The following CHSY3 variants were observed in gnomAD, a reference collection of about 807,000 sequenced individuals.
The protein encoded by CHSY3 is chondroitin sulfate synthase 3, also known as N-acetylgalactosaminyl-proteoglycan 3-beta-glucuronosyltransferase 3.
CHSY3 carries 35 observed loss-of-function variants against 67.2 expected under a neutral mutation model. The observed-to-expected ratio is 0.52, with a 90% CI of 0.40 to 0.69. The LOEUF (loss-of-function observed/expected upper bound fraction) is 0.69, where lower values mean the gene tolerates loss of function less well. Ranked by LOEUF, CHSY3 falls within the 30% of genes least tolerant of loss-of-function variation. The probability of loss-of-function intolerance (pLI) is 0.00; values close to 1 mark genes in which losing one functional copy is unlikely to be tolerated. For missense variants in CHSY3, 1,069 were observed against 1,138.5 expected (o/e 0.94, Z 0.88); for synonymous variants, 474 against 434.7 (o/e 1.09, Z -1.12).
intron 2 of CHSY3, among the ~76,000 whole-genome samples, chr5:130,136,209 T>TA (rs1768656353): frequency 6.6e-6 from 1 of 152,176 alleles, no homozygotes. Context: ...GGGAAGATAT[T>TA]AAGCCAGCTA....
At chr5:130,160,679 C>T (rs1769504802) in intron 2 of CHSY3, among the ~76,000 whole-genome samples, 1 of 152,066 alleles carries the variant, frequency 6.6e-6, no homozygotes, top group African/African-American at 2.4e-5. Context: ...CCAGAAGGGA[C>T]CTATGCTGCT....
chr5:130,169,175 C>T (rs952453732), intron 2 of CHSY3, among the ~76,000 whole-genome samples: 10 of 152,054 alleles, frequency 6.6e-5, no homozygotes, highest in African/African-American at 1.2e-4. Context: ...ACTGTATACA[C>T]GGCAGTGAAC....
At chr5:130,082,864 A>G (rs1403437211) in intron 2 of CHSY3, among the ~76,000 whole-genome samples, 5 of 151,784 alleles carry the variant, frequency 3.3e-5, no homozygotes, top group African/African-American at 1.2e-4. Flanking sequence ...ATATGTGTGT[A>G]TATACATATA....
At chr5:129,946,558 T>G (rs1761860436) in intron 2 of CHSY3, among the ~76,000 whole-genome samples, 2 of 152,140 alleles carry the variant, frequency 1.3e-5, no homozygotes. Flanking sequence ...TCTCCAAAAT[T>G]TATTTATAAC....
At chr5:130,070,216 C>T (rs1212756289) in intron 2 of CHSY3, among the ~76,000 whole-genome samples, 2 of 152,034 alleles carry the variant, frequency 1.3e-5, no homozygotes, top group Admixed American at 6.6e-5. Context: ...TACTTCTCTT[C>T]ATGAAAATTC....
intron 2 of CHSY3, among the ~76,000 whole-genome samples, chr5:130,128,789 C>G (rs1187272756): frequency 6.6e-6 from 1 of 152,034 alleles, no homozygotes; most frequent in African/African-American, 2.4e-5. Context: ...TTCCCAAACT[C>G]ATGGAATTGT....
chr5:129,905,860 C>G, intron 1 of CHSY3: 1 of 932,140 alleles, frequency 1.1e-6, no homozygotes, highest in Non-Finnish European at 1.5e-6. Context: ...CTTTATTCGC[C>G]TTCCTCACTT....
intron 2 of CHSY3, among the ~76,000 whole-genome samples, chr5:129,925,331 G>A (rs1433988908): frequency 6.6e-6 from 1 of 152,184 alleles, no homozygotes; most frequent in African/African-American, 2.4e-5. Context: ...AGAGGCAGGA[G>A]CCAGATGATG....
At chr5:130,154,961 T>C (rs1383414233) in intron 2 of CHSY3, among the ~76,000 whole-genome samples, 3 of 152,186 alleles carry the variant, frequency 2.0e-5, no homozygotes, top group Non-Finnish European at 4.4e-5. Context: ...GGGTGGGGCC[T>C]GAGAGTCTTC....
chr5:130,180,946 G>A (rs774760772), intron 2 of CHSY3, among the ~76,000 whole-genome samples: 4 of 152,194 alleles, frequency 2.6e-5, no homozygotes, highest in Non-Finnish European at 5.9e-5. Flanking sequence ...TTCTAAGAAA[G>A]GTAATGAAAG....
intron 2 of CHSY3, among the ~76,000 whole-genome samples, chr5:130,098,047 C>T (rs1296274980): frequency 2.6e-5 from 4 of 151,810 alleles, no homozygotes; most frequent in Admixed American, 1.3e-4. Context: ...GGGAAGATGC[C>T]GTGTATCCAT....
chr5:130,009,304 G>A (rs1431060923), intron 2 of CHSY3, among the ~76,000 whole-genome samples: 3 of 152,272 alleles, frequency 2.0e-5, no homozygotes, highest in South Asian at 2.1e-4. Flanking sequence ...GAGATTGGGA[G>A]CCTATATTCA....
chr5:129,913,534 G>T (rs976825486), intron 2 of CHSY3, among the ~76,000 whole-genome samples: 9 of 152,008 alleles, frequency 5.9e-5, no homozygotes, highest in Non-Finnish European at 1.2e-4. Context: ...TGTTCATTTT[G>T]TGTATTAGCA....
At chr5:129,970,514 G>A (rs542497117) in intron 2 of CHSY3, among the ~76,000 whole-genome samples, 2 of 151,832 alleles carry the variant, frequency 1.3e-5, no homozygotes, top group South Asian at 4.2e-4. Context: ...GGGCTAGCAT[G>A]GAATAATGCT....
intron 2 of CHSY3, among the ~76,000 whole-genome samples, chr5:130,050,360 G>GC (rs1765299973): frequency 6.6e-6 from 1 of 152,056 alleles, no homozygotes; most frequent in African/African-American, 2.4e-5. Context: ...ATATGTTATT[G>GC]ATAAAGGGGT....
chr5:129,932,219 G>T (rs1409762688), intron 2 of CHSY3, among the ~76,000 whole-genome samples: 5 of 149,916 alleles, frequency 3.3e-5, no homozygotes, highest in Non-Finnish European at 1.5e-5. Flanking sequence ...TGCCATGGGG[G>T]CTGGCAAGTT....
chr5:130,138,820 C>CT (rs571810827), intron 2 of CHSY3, among the ~76,000 whole-genome samples: 212 of 152,194 alleles, frequency 1.4e-3, no homozygotes, highest in Non-Finnish European at 2.5e-3. Flanking sequence ...ACCCAAATCC[C>CT]TTTTGTTAAA....
intron 2 of CHSY3, among the ~76,000 whole-genome samples, chr5:130,012,714 TGA>T (rs1764103078): frequency 1.3e-5 from 2 of 152,192 alleles, no homozygotes; most frequent in South Asian, 4.1e-4. Context: ...ATTCCTCGTG[TGA>T]CACAGGAGGA....
intron 2 of CHSY3, among the ~76,000 whole-genome samples, chr5:130,159,302 C>A (rs1769460810): frequency 6.6e-6 from 1 of 151,482 alleles, no homozygotes; most frequent in Non-Finnish European, 1.5e-5. Context: ...CTAGCCAGGA[C>A]TACAGGCGTG....
Sources: allele counts gnomAD v4.1 joint callset (sites outside exome capture counted in the v4.1 genomes callset), GRCh38; gene constraint gnomAD v4.1.1; transcripts MANE v1.5; gene names NCBI Gene and HGNC (gene_info 2026-07-23, HGNC 2026-07-21).